The following TCF20 variants were observed in gnomAD, a reference collection of about 807,000 sequenced individuals.
TCF20 encodes SPRE-binding protein.
Under a neutral mutation model 148.6 loss-of-function variants are expected in TCF20, and 3 were observed. The ratio of observed to expected loss-of-function variants is 0.02; its 90% confidence interval spans 0.01 to 0.05. TCF20 has a LOEUF of 0.05. Ranked by LOEUF, TCF20 falls within the 10% of genes least tolerant of loss-of-function variation. TCF20 has a pLI of 1.00. For missense variants in TCF20, 2,350 were observed against 2,429.3 expected (o/e 0.97, Z 0.69); for synonymous variants, 1,049 against 909.5 (o/e 1.15, Z -2.76).
chr22:42,210,338 T>C lies in TCF20; in HGVS notation c.4968A>G (p.Glu1656=). Residue 1656 remains glutamate, a synonymous_variant, in exon 2 of 6, where the codon GAA becomes GAG. Coordinates refer to ENST00000677622, the MANE Select transcript of TCF20 (RefSeq NM_001378418.1). This position sits in a 1 kb window ranked among gnomAD's most constrained non-coding sequence, Gnocchi z 4.7. Reference sequence around the variant, plus strand: ...TCCTGCCCCTCACTAATTTGGTCTGTTCTTCTTCCTCAGCATTGATGATTG... The same window carrying C: ...TCCTGCCCCTCACTAATTTGGTCTGCTCTTCTTCCTCAGCATTGATGATTG... ...VCTIINAEEE[E]QTKLVRGRKG... The C allele has an allele frequency of 6.2e-7, 1 of 1,614,200 alleles. No homozygotes were observed. Among genetic ancestry groups the C allele is most frequent in the Non-Finnish European group, 8.5e-7 (1 of 1,180,034 alleles).
rs759572513 is a variant in TCF20 at position 42,209,802 on chromosome 22, C to T, written c.5504G>A (p.Gly1835Asp). Residue 1835 changes from glycine to aspartate, a missense_variant, in exon 2 of 6, where the codon GGC becomes GAC. Transcript: ENST00000677622. The stretch of plus-strand genomic sequence containing the variant: ...AGGGATTTGTAACTCCAGCTCAGGG[C>T]CACCTTCTGAAGTGGTGGGCACGGA... ...KPSVPTTSEG[G>D]PELELQIPEL... 2 of 1,614,200 alleles carry T rather than the reference C, an allele frequency of 1.2e-6. No homozygotes were observed. The highest frequency in any genetic ancestry group is 2.2e-5 in the South Asian group (2 of 91,078).
intron 2 of TCF20, among the ~76,000 whole-genome samples, chr22:42,186,382 AC>A (rs1937047279): frequency 6.6e-6 from 1 of 152,244 alleles, no homozygotes; most frequent in Non-Finnish European, 1.5e-5. Context: ...AAAGTGTTTT[AC>A]AAACTAGAAA....
At chr22:42,240,279 T>C (rs1024840320) in intron 1 of TCF20, among the ~76,000 whole-genome samples, 1 of 152,188 alleles carries the variant, frequency 6.6e-6, no homozygotes, top group African/African-American at 2.4e-5. Flanking sequence ...ATGCTCTAGA[T>C]AGTGAGTCTT....
intron 1 of TCF20, among the ~76,000 whole-genome samples, chr22:42,251,520 T>TTTTTTTTTTTTG (rs1555947166): frequency 5.2e-5 from 6 of 115,814 alleles, no homozygotes; most frequent in African/African-American, 2.0e-4. Context: ...TTTTTTTTTT[T>TTTTTTTTTTTTG]GAGACAGAAT....
upstream of TCF20, among the ~76,000 whole-genome samples, chr22:42,287,003 T>G (rs1927044294): frequency 3.3e-5 from 5 of 149,362 alleles, no homozygotes; most frequent in East Asian, 2.0e-4. Context: ...CAGCTGGGAG[T>G]CGGCATCAGG....
At chr22:42,330,700 C>A (rs1927958336) in intron 1 of TCF20, among the ~76,000 whole-genome samples, 1 of 152,236 alleles carries the variant, frequency 6.6e-6, no homozygotes, top group Non-Finnish European at 1.5e-5. Flanking sequence ...GGTGGCAGGG[C>A]CTGCCTTGAG....
intron 3 of TCF20, 134 bp downstream of exon 3, chr22:42,179,475 T>G: frequency 3.2e-6 from 2 of 623,800 alleles, no homozygotes; most frequent in Non-Finnish European, 2.6e-6. Context: ...GGTGGGAAGT[T>G]TTTTTATGAA....
intron 5 of TCF20, among the ~76,000 whole-genome samples, chr22:42,165,708 A>G (rs1935742349): frequency 6.6e-6 from 1 of 152,214 alleles, no homozygotes; most frequent in Non-Finnish European, 1.5e-5. Flanking sequence ...CCAACTCCCA[A>G]GAGAAACCCA....
chr22:42,169,958 C>T, intron 3 of TCF20, 62 bp from the exon 4 acceptor site: 1 of 1,573,818 alleles, frequency 6.4e-7, no homozygotes. Flanking sequence ...TGTGGTCATG[C>T]TGGCTGGGAT....
intron 2 of TCF20, among the ~76,000 whole-genome samples, chr22:42,208,144 C>T (rs1938515040): frequency 6.6e-6 from 1 of 152,216 alleles, no homozygotes; most frequent in African/African-American, 2.4e-5. Flanking sequence ...CATCACTGCA[C>T]TCCAGCCTGG....
chr22:42,250,920 G>C (rs1253826417), intron 1 of TCF20, among the ~76,000 whole-genome samples: 1 of 152,188 alleles, frequency 6.6e-6, no homozygotes, highest in East Asian at 1.9e-4. Flanking sequence ...GAGCAAGAGA[G>C]AGTGTGAGGT....
At chr22:42,309,196 G>A (rs1308066465) in intron 1 of TCF20, among the ~76,000 whole-genome samples, 1 of 152,054 alleles carries the variant, frequency 6.6e-6, no homozygotes, top group African/African-American at 2.4e-5. Context: ...ACAGTCACTG[G>A]GCTTGTTTTC....
intron 2 of TCF20, among the ~76,000 whole-genome samples, chr22:42,184,334 A>G (rs559342652): frequency 7.9e-4 from 121 of 152,246 alleles, no homozygotes; most frequent in Admixed American, 1.4e-3. Context: ...GACGCCTGTT[A>G]GCCCCCTTCA....
chr22:42,275,800 T>C (rs1391631359), intron 1 of TCF20, among the ~76,000 whole-genome samples: 1 of 152,214 alleles, frequency 6.6e-6, no homozygotes, highest in Non-Finnish European at 1.5e-5. Flanking sequence ...CTCAGGGCAC[T>C]ACAAAGAGTT....
chr22:42,318,027 T>A (rs1478983904), intron 1 of TCF20, among the ~76,000 whole-genome samples: 1 of 152,186 alleles, frequency 6.6e-6, no homozygotes, highest in Non-Finnish European at 1.5e-5. Flanking sequence ...CAGGGCAGCC[T>A]GGGCCTTGAC....
At chr22:42,258,093 G>A (rs1925839587) in intron 1 of TCF20, among the ~76,000 whole-genome samples, 1 of 152,144 alleles carries the variant, frequency 6.6e-6, no homozygotes. Context: ...ACTAGACAAA[G>A]GATTATAAAG....
At chr22:42,284,095 G>T (rs1926975334), upstream of TCF20, among the ~76,000 whole-genome samples, 2 of 152,168 alleles carry the variant, frequency 1.3e-5, no homozygotes, top group Admixed American at 6.5e-5. Flanking sequence ...TCTGCAGGGT[G>T]GAGATGGAGG....
At chr22:42,303,118 C>T (rs548062891) in intron 1 of TCF20, among the ~76,000 whole-genome samples, 2 of 152,322 alleles carry the variant, frequency 1.3e-5, no homozygotes, top group East Asian at 1.9e-4. Flanking sequence ...TTAGTAGCGA[C>T]GGGGTTTCAC....
intron 1 of TCF20, among the ~76,000 whole-genome samples, chr22:42,309,861 A>G (rs965242115): frequency 7.9e-5 from 12 of 152,168 alleles, no homozygotes. Context: ...AGTAAGAAAA[A>G]CACAAACTGC....
Sources: allele counts gnomAD v4.1 joint callset (sites outside exome capture counted in the v4.1 genomes callset), GRCh38; gene constraint gnomAD v4.1.1; non-coding constraint Gnocchi (gnomAD v3.1); transcripts MANE v1.5; gene names NCBI Gene and HGNC (gene_info 2026-07-23, HGNC 2026-07-21).